CFHR5: variants seen among roughly 807,000 people sequenced by gnomAD.
CFHR5 encodes complement factor H related 5.
A neutral mutation model predicts 62.9 loss-of-function variants in CFHR5; 73 were observed. The ratio of observed to expected loss-of-function variants is 1.16; its 90% CI spans 0.96 to 1.41. CFHR5 has a LOEUF of 1.41. Ranked by LOEUF, CFHR5 falls within the 40% of genes most tolerant of loss-of-function variation. CFHR5 has a pLI of 0.00. For synonymous variants in CFHR5, 249 were observed against 227.2 expected (o/e 1.10, Z -0.86); for missense variants, 779 against 679.9 (o/e 1.15, Z -1.62).
At chr1:196,994,019 C>A in intron 3 of CFHR5, 61 bp from the exon 4 acceptor site, 2 of 1,285,786 alleles carry the variant, frequency 1.6e-6, no homozygotes, top group Non-Finnish European at 2.3e-6. Context: ...TTTTATATAG[C>A]ACACATTAAA....
chr1:196,993,887 A>G (rs1193389622), intron 3 of CFHR5, among the ~76,000 whole-genome samples, 193 bp from the exon 4 acceptor site: 1 of 152,138 alleles, frequency 6.6e-6, no homozygotes, highest in African/African-American at 2.4e-5. Flanking sequence ...TGCTATATAC[A>G]GTTTCCCAAT....
chr1:196,991,649 G>C (rs1653850048), intron 3 of CFHR5, among the ~76,000 whole-genome samples: 1 of 152,158 alleles, frequency 6.6e-6, no homozygotes, highest in African/African-American at 2.4e-5. Context: ...GTTGGATTTT[G>C]CTGGAGGTCC....
chr1:197,006,185 C>A (rs796687268), intron 9 of CFHR5, among the ~76,000 whole-genome samples: 4 of 151,938 alleles, frequency 2.6e-5, no homozygotes, highest in African/African-American at 9.7e-5. Flanking sequence ...AAATTTGTAA[C>A]CTAAAAAGTG....
chr1:196,987,807 C>T (rs1351212813), intron 3 of CFHR5, among the ~76,000 whole-genome samples: 1 of 152,144 alleles, frequency 6.6e-6, no homozygotes, highest in Non-Finnish European at 1.5e-5. Flanking sequence ...TAGCCTGATG[C>T]CTCCAGCTTT....
At chr1:196,994,995 C>T (rs1653951259) in intron 4 of CFHR5, among the ~76,000 whole-genome samples, 1 of 152,090 alleles carries the variant, frequency 6.6e-6, no homozygotes, top group Non-Finnish European at 1.5e-5. Flanking sequence ...CCAGGTTCTT[C>T]CCACAACACA....
chr1:196,994,248 C>G lies in CFHR5; in HGVS notation c.599C>G (p.Thr200Arg). The stretch of plus-strand genomic sequence containing the variant: ...TTTGGGTGGTCACCTAACTTTCCAA[C>G]ATGCAAAGGTCAGTATTTATTTTAG... The part of the protein sequence containing the change: ...YQFGWSPNFP[T>R]CKGQVRSCGP... Residue 200 changes from threonine (T) to arginine (R), a missense_variant, in exon 4 of 10, where the codon ACA becomes AGA. Transcript: ENST00000256785. The G allele has an allele frequency of 1.2e-6, 2 of 1,610,776 alleles. No homozygotes were observed. The highest frequency in any genetic ancestry group is 4.5e-5 in the East Asian group (2 of 44,758).
rs757817214 is a variant in CFHR5 at position 197,004,866 on chromosome 1, G to A, written c.1513+23G>A. 2.6e-6 allele frequency: 4 copies of A among 1,556,796 alleles called. No homozygotes were observed. The African/African-American group carries it at 4.1e-5, about 16-fold the overall frequency. ...TAGGTGAGTTCTTAATATTCTCTTGGAATCTGAGATTTAATATTTATAGTG... is the reference window on the plus strand; with the variant it reads ...TAGGTGAGTTCTTAATATTCTCTTGAAATCTGAGATTTAATATTTATAGTG... On this transcript the variant is annotated intron_variant, in intron 9 of 9. Coordinates refer to ENST00000256785, the MANE Select transcript of CFHR5 (RefSeq NM_030787.4).
chr1:196,992,299 TAC>T (rs1255228239), intron 3 of CFHR5, among the ~76,000 whole-genome samples: 12 of 152,066 alleles, frequency 7.9e-5, no homozygotes, highest in Non-Finnish European at 1.5e-5. Context: ...ATTTTCCAGG[TAC>T]AGTCTGTCAC....
intron 9 of CFHR5, among the ~76,000 whole-genome samples, chr1:197,005,516 G>C (rs189979833): frequency 3.3e-5 from 5 of 152,200 alleles, no homozygotes; most frequent in African/African-American, 9.6e-5. Context: ...CACTTTTAGG[G>C]CTTAAAAGGA....
intron 4 of CFHR5, among the ~76,000 whole-genome samples, chr1:196,995,170 T>G (rs746318540): frequency 6.6e-6 from 1 of 152,180 alleles, no homozygotes; most frequent in African/African-American, 2.4e-5. Flanking sequence ...TTCAGATTAT[T>G]GACCTACTTA....
In CFHR5 at chr1:196,982,888, C is replaced by T. The variant is rs377563612; in HGVS notation, c.62C>T (p.Thr21Ile). ...SWVSTVGGEG[T>I]LCDFPKIHHG... ...AGTTTTGTGTTATTTTTCCCAGGAACACTTTGTGATTTTCCAAAAATACAC... is the reference window on the plus strand; with the variant it reads ...AGTTTTGTGTTATTTTTCCCAGGAATACTTTGTGATTTTCCAAAAATACAC... The change falls in exon 2 of 10, where the codon ACA becomes ATA. Residue 21 changes from threonine to isoleucine, a missense_variant. Physicochemically the swap from Thr to Ile is moderately conservative, Grantham distance 89 (BLOSUM62 -1). Transcript: ENST00000256785. 1.2e-5 allele frequency: 19 copies of T among 1,613,250 alleles called. No homozygotes were observed. The African/African-American group carries it at 1.5e-4, about 12-fold the overall frequency.
At chr1:196,976,190 G>C (rs6702632), upstream of CFHR5, among the ~76,000 whole-genome samples, 1 of 152,154 alleles carries the variant, frequency 6.6e-6, no homozygotes. Flanking sequence ...CTGGTTTCTT[G>C]ATTGGACATA....
intron 9 of CFHR5, among the ~76,000 whole-genome samples, chr1:197,007,796 C>T (rs962491130): frequency 2.1e-5 from 3 of 145,948 alleles, no homozygotes; most frequent in African/African-American, 7.5e-5. Flanking sequence ...TTATATTATA[C>T]ATTATATATA....
rs61745675 is a variant in CFHR5, at chr1:196,984,037, A to C, written c.330A>C (p.Val110=). Residue 110 remains valine (V), a synonymous_variant, in exon 3 of 10, where the codon GTA becomes GTC. Coordinates refer to ENST00000256785, the MANE Select transcript of CFHR5 (RefSeq NM_030787.4). ...TAATACATCTGGAAGGTGATACTGT[A>C]CAAATTATTTGCAACACAGGATACA... ...SGLIHLEGDT[V]QIICNTGYSL... 4,961 of 1,613,088 alleles carry C rather than the reference A, an allele frequency of 3.1e-3. 77 individuals are homozygous for C. In the African/African-American group the frequency reaches 0.046, roughly 15 times the overall value.
intron 3 of CFHR5, among the ~76,000 whole-genome samples, chr1:196,990,557 G>C (rs1653816420): frequency 1.3e-5 from 2 of 152,108 alleles, no homozygotes; most frequent in African/African-American, 2.4e-5. Flanking sequence ...CTCTTGTAAG[G>C]CAGACCTGGT....
chr1:196,995,560 GC>G (rs566331973), intron 4 of CFHR5, among the ~76,000 whole-genome samples, 156 bp from the exon 5 acceptor site: 20 of 152,094 alleles, frequency 1.3e-4, no homozygotes, highest in Non-Finnish European at 2.9e-4. Context: ...GGAAACGAAT[GC>G]AGTCAATACA....
Position 196,999,689 on chromosome 1 carries a change from ATATATATATATAT to A in CFHR5, c.1147+1386_1147+1398del, listed in dbSNP as rs988786797. 8.8e-4 allele frequency among the ~76,000 whole-genome samples: 22 copies of A among 25,110 alleles called. 1 individual carries two copies. The highest frequency in any genetic ancestry group is 2.1e-3 in the African/African-American group (21 of 9,998). 16.5% of individuals were successfully genotyped at this position (25,110 alleles called of 152,430 possible). A position where few individuals can be genotyped will look rare whatever the true frequency, so the allele number is the denominator to read the frequency against. On this transcript the variant is annotated intron_variant, in intron 7 of 9. Coordinates refer to ENST00000256785, the MANE Select transcript of CFHR5 (RefSeq NM_030787.4). ...TTATCTATTTTGGGAAAAAGTATAT[ATATATATATATAT>A]ATATATATATATATATATATACACA... is the stretch of plus-strand genomic sequence containing the variant.
intron 4 of CFHR5, 46 bp from the exon 5 acceptor site, chr1:196,995,671 T>C (rs776072444): frequency 1.3e-6 from 2 of 1,525,522 alleles, no homozygotes; most frequent in South Asian, 1.1e-5. Context: ...CATTTTTCTA[T>C]ACTTATAAGA....
chr1:196,985,046 T>C (rs1653645000), intron 3 of CFHR5, among the ~76,000 whole-genome samples: 1 of 152,216 alleles, frequency 6.6e-6, no homozygotes, highest in Non-Finnish European at 1.5e-5. Flanking sequence ...TTTCCAGCAT[T>C]CTGAAAATAA....
Sources: allele counts gnomAD v4.1 joint callset (sites outside exome capture counted in the v4.1 genomes callset), GRCh38; gene constraint gnomAD v4.1.1; transcripts MANE v1.5; gene names NCBI Gene and HGNC (gene_info 2026-07-23, HGNC 2026-07-21).